IGSF9: variants seen among roughly 807,000 people sequenced by gnomAD.
IGSF9 encodes immunoglobulin superfamily member 9, also known as protein turtle homolog A.
A neutral mutation model predicts 121.7 loss-of-function variants in IGSF9; 87 were observed. That is an observed-to-expected ratio of 0.71 (90% CI 0.60 to 0.85). The LOEUF is 0.85. IGSF9 is among the 40% of genes least tolerant of loss of function. The probability of loss-of-function intolerance (pLI) is 0.00; values close to 1 mark genes in which losing one functional copy is unlikely to be tolerated. For missense variants in IGSF9, 1,462 were observed against 1,565.3 expected, an observed-to-expected ratio of 0.93 and a Z score of 1.11; for synonymous variants, 640 against 648.4, an observed-to-expected ratio of 0.99 and a Z score of 0.20.
At position 159,943,572 on chromosome 1, in the gene IGSF9, G is replaced by T; in HGVS notation, c.-118C>A. 4 of 945,270 alleles carry T rather than the reference G, an allele frequency of 4.2e-6. No individual in the cohort carries two copies. Among genetic ancestry groups the T allele is most frequent in the Non-Finnish European group, 6.0e-6 (4 of 669,308 alleles). 58.6% of individuals were successfully genotyped at this position (945,270 alleles called of 1,614,324 possible). On this transcript the variant is annotated 5_prime_UTR_variant, in exon 2 of 21. The change creates a new upstream start codon in the 5' untranslated region. Transcript: ENST00000368094. ...GTTTCAGCTCTCACTCTTCTGTACAGTGAGGGCTTGGCTCATGTAACACCC... is the reference window on the plus strand; with the variant it reads ...GTTTCAGCTCTCACTCTTCTGTACATTGAGGGCTTGGCTCATGTAACACCC...
Position 159,929,590 on chromosome 1 carries a change from G to A in IGSF9, c.2326+48C>T, listed in dbSNP as rs755143309. 4 of 1,561,500 alleles carry A rather than the reference G, an allele frequency of 2.6e-6. No homozygotes were observed. The African/African-American group carries it at 5.4e-5, about 21-fold the overall frequency. On this transcript the variant is annotated intron_variant, in intron 17 of 20. Coordinates refer to ENST00000368094, the MANE Select transcript of IGSF9 (RefSeq NM_001135050.2). ...CCCCCAGGTAGGAGGGGCTTAAGGAGGCTAGGCCCAAGTGCGCAGTAGCAG... is the reference window on the plus strand; with the variant it reads ...CCCCCAGGTAGGAGGGGCTTAAGGAAGCTAGGCCCAAGTGCGCAGTAGCAG...
Position 159,934,688 on chromosome 1 carries a change from G to T in IGSF9, c.808C>A (p.His270Asn). The change falls in exon 7 of 21, where the codon CAC becomes AAC. Residue 270 changes from histidine to asparagine, a missense_variant. By Grantham distance (68) the His-to-Asn change is moderately conservative (BLOSUM62 1). Around this residue, in one of 3 missense-constraint regions of IGSF9, gnomAD observed 558 missense variants for 599.4 expected, o/e 0.93. Transcript: ENST00000368094. ...SWFQDNINVFHISRLQPRVRI... is the reference protein window; with the variant it reads ...SWFQDNINVFNISRLQPRVRI... ...TAATGAGGGTGACCCCACCTAATGT[G>T]GAAGACATTGATGTTGTCCTGGAAC... 6.2e-7 allele frequency: 1 copy of T among 1,614,240 alleles called. No homozygotes were observed. The highest frequency in any genetic ancestry group is 8.5e-7 in the Non-Finnish European group (1 of 1,180,038).
At chr1:159,945,202 C>T (rs1359671735) in intron 1 of IGSF9, among the ~76,000 whole-genome samples, 3 of 151,864 alleles carry the variant, frequency 2.0e-5, no homozygotes. Context: ...CCCCACCCCC[C>T]AGCCACTTCT....
chr1:159,934,155 G>A (rs1259802513), intron 9 of IGSF9, 35 bp downstream of exon 9: 8 of 1,590,200 alleles, frequency 5.0e-6, no homozygotes, highest in Non-Finnish European at 4.3e-6. Flanking sequence ...ATAACGCCAA[G>A]CTAAGACCCT....
rs1650977586 is a variant in IGSF9 at position 159,931,037 on chromosome 1, G to A, written c.1637+101C>T. The A allele has an allele frequency of 6.5e-7, 1 of 1,544,696 alleles. No individual in the cohort carries two copies. The highest frequency in any genetic ancestry group is 1.2e-5 in the South Asian group (1 of 84,266). ...GGAAGCAGAGCCAGGACTGGTGAGG[G>A]ATAGAGGGACAGAAGAAAGGGCAGA... On this transcript the variant is annotated intron_variant, in intron 13 of 20. Coordinates refer to ENST00000368094, the MANE Select transcript of IGSF9 (RefSeq NM_001135050.2). This position sits in a 1 kb window ranked among gnomAD's most constrained non-coding sequence, Gnocchi z 4.8.
At chr1:159,929,861 T>TG (rs1650919266) in intron 16 of IGSF9, 30 bp downstream of exon 16, 6 of 1,583,988 alleles carry the variant, frequency 3.8e-6, no homozygotes, top group Non-Finnish European at 5.1e-6. Flanking sequence ...GGAGCAGCCC[T>TG]GGGGCTCCTC....
At chr1:159,944,451 C>T (rs1377491374) in intron 1 of IGSF9, among the ~76,000 whole-genome samples, 1 of 152,142 alleles carries the variant, frequency 6.6e-6, no homozygotes, top group South Asian at 2.1e-4. Context: ...AGCAGCCCTC[C>T]CCCTGCCAGG....
At chr1:159,934,112 C>A in intron 9 of IGSF9, 78 bp downstream of exon 9, 2 of 1,495,998 alleles carry the variant, frequency 1.3e-6, no homozygotes, top group Non-Finnish European at 9.1e-7. Context: ...CTGAATTAAA[C>A]CGAGCTAACT....
In IGSF9 at chr1:159,931,528, C is replaced by A. The variant is rs1303302581; in HGVS notation, c.1438G>T (p.Ala480Ser). 5 of 1,614,030 alleles carry A rather than the reference C, an allele frequency of 3.1e-6. No individual in the cohort carries two copies. Among genetic ancestry groups the A allele is most frequent in the Non-Finnish European group, 3.4e-6 (4 of 1,180,006 alleles). Residue 480 changes from alanine to serine, a missense_variant, in exon 12 of 21, where the codon GCC becomes TCC. Physicochemically the swap from Ala to Ser is moderately conservative, Grantham distance 99 (BLOSUM62 1). Coordinates refer to ENST00000368094, the MANE Select transcript of IGSF9 (RefSeq NM_001135050.2). This position sits in a 1 kb window ranked among gnomAD's most constrained non-coding sequence, Gnocchi z 4.8. ...GCACTGCATTCCCAGTGCCCGTGGGCCTCCTTGGTCAATGGTCGCAGGATG... is the reference window on the plus strand; with the variant it reads ...GCACTGCATTCCCAGTGCCCGTGGGACTCCTTGGTCAATGGTCGCAGGATG... ...SLILRPLTKE[A>S]HGHWECSASN... is the part of the protein sequence containing the mutation.
At chr1:159,928,000 G>A in intron 19 of IGSF9, 113 bp from the exon 20 acceptor site, 4 of 1,494,948 alleles carry the variant, frequency 2.7e-6, no homozygotes, top group Non-Finnish European at 3.6e-6. Context: ...GGTTTCCCCT[G>A]AAAAATCCCT....
chr1:159,931,606 A>C lies in IGSF9; in HGVS notation c.1363-3T>G. On this transcript the variant is annotated splice_polypyrimidine_tract_variant and splice_region_variant and intron_variant, in intron 11 of 20. Coordinates refer to ENST00000368094, the MANE Select transcript of IGSF9 (RefSeq NM_001135050.2). This position sits in a 1 kb window ranked among gnomAD's most constrained non-coding sequence, Gnocchi z 4.8. The stretch of plus-strand genomic sequence containing the variant: ...TGGCCTTGCAGCCCCCGGCCCACCT[A>C]CAGAACCACTGGTGAGCCCTGAGGA... The C allele has an allele frequency of 6.2e-7, 1 of 1,613,484 alleles. No individual in the cohort carries two copies. The highest frequency in any genetic ancestry group is 8.5e-7 in the Non-Finnish European group (1 of 1,179,866).
At position 159,937,759 on chromosome 1, in the gene IGSF9, G is replaced by A. The variant is rs542851413; in HGVS notation, c.327C>T (p.Arg109=). The A allele has an allele frequency of 6.3e-5, 102 of 1,614,086 alleles. No homozygotes were observed. Among genetic ancestry groups the A allele is most frequent in the Non-Finnish European group, 7.2e-5 (85 of 1,179,968 alleles). ...GGATGTGCTGGTCCAGGAAGAACAC[G>A]CGGCACTCGTACCAGCCCTGGTCTT... ...RVEDQGWYEC[R]VFFLDQHIPE... Residue 109 remains arginine, a synonymous_variant, in exon 4 of 21, where the codon CGC becomes CGT. Coordinates refer to ENST00000368094, the MANE Select transcript of IGSF9 (RefSeq NM_001135050.2).
At position 159,934,342 on chromosome 1, in the gene IGSF9, AG is replaced by A; in HGVS notation, c.962-11del. The A allele has an allele frequency of 6.3e-7, 1 of 1,580,272 alleles. No homozygotes were observed. The highest frequency in any genetic ancestry group is 8.6e-7 in the Non-Finnish European group (1 of 1,161,376). On this transcript the variant is annotated splice_polypyrimidine_tract_variant and intron_variant, in intron 8 of 20. Coordinates refer to ENST00000368094, the MANE Select transcript of IGSF9 (RefSeq NM_001135050.2). ...GTCACCTGGGCTGGGTCTGGGGGAA[AG>A]TAGTGGCAAGTTGGGGGAGAGGGGC...
In IGSF9 at chr1:159,934,787, T is replaced by C; in HGVS notation, c.709A>G (p.Thr237Ala). 6.2e-7 allele frequency: 1 copy of C among 1,614,112 alleles called. No individual in the cohort carries two copies. The highest frequency in any genetic ancestry group is 2.2e-5 in the East Asian group (1 of 44,866). ...PVIVVPPKNS[T>A]VNASQDVSLA... ...GAAACATCCTGGGAGGCATTGACTG[T>C]GCTGTTCTTGGGGGGCACCACGATG... The change falls in exon 7 of 21, where the codon ACA becomes GCA. Residue 237 changes from threonine to alanine, a missense_variant. Coordinates refer to ENST00000368094, the MANE Select transcript of IGSF9 (RefSeq NM_001135050.2).
intron 6 of IGSF9, 57 bp from the exon 7 acceptor site, chr1:159,934,879 T>G (rs765776857): frequency 5.0e-6 from 8 of 1,601,582 alleles, no homozygotes; most frequent in Non-Finnish European, 6.8e-6. Context: ...CCCAGAACCC[T>G]GAGGTCACCT....
chr1:159,928,900 G>T lies in IGSF9; in HGVS notation c.2488C>A (p.His830Asn). The T allele has an allele frequency of 6.3e-7, 1 of 1,594,446 alleles. No homozygotes were observed. The highest frequency in any genetic ancestry group is 8.5e-7 in the Non-Finnish European group (1 of 1,171,224). ...CCCCGGCTAGATGGAGGATCCGGGT[G>T]GGGGCTGGGAGTTCCGGCAGGATCC... is the stretch of plus-strand genomic sequence containing the variant. The part of the protein sequence containing the change: ...WGDPAGTPSP[H>N]PDPPSSRGPL... The change falls in exon 19 of 21, where the codon CAC (histidine) becomes AAC (asparagine). Residue 830 changes from histidine to asparagine, a missense_variant. By Grantham distance (68) the His-to-Asn change is moderately conservative. Coordinates refer to ENST00000368094, the MANE Select transcript of IGSF9 (RefSeq NM_001135050.2).
At chr1:159,935,510 G>C (rs1405409624) in intron 6 of IGSF9, among the ~76,000 whole-genome samples, 1 of 152,164 alleles carries the variant, frequency 6.6e-6, no homozygotes, top group African/African-American at 2.4e-5. Context: ...CCTCCCAAGG[G>C]CCTGGCCGCG....
Position 159,936,456 on chromosome 1 carries a change from A to C in IGSF9, c.616T>G (p.Cys206Gly). 1 of 1,614,006 alleles carries C rather than the reference A, an allele frequency of 6.2e-7. No individual in the cohort carries two copies. The highest frequency in any genetic ancestry group is 8.5e-7 in the Non-Finnish European group (1 of 1,180,008). ...VERGSSGVYT[C>G]QASSTEGSAT... ...CTGCCCTCAGTGCTGGAGGCTTGGCAGGTGTAGACCCCAGAGCTGCCTCGC... is the reference window on the plus strand; with the variant it reads ...CTGCCCTCAGTGCTGGAGGCTTGGCCGGTGTAGACCCCAGAGCTGCCTCGC... Residue 206 changes from cysteine (C) to glycine (G), a missense_variant, in exon 6 of 21, where the codon TGC (cysteine) becomes GGC (glycine). Physicochemically the swap from Cys to Gly is radical, Grantham distance 159. Transcript: ENST00000368094.
intron 1 of IGSF9, among the ~76,000 whole-genome samples, chr1:159,945,326 C>A (rs1651545809): frequency 6.6e-6 from 1 of 151,848 alleles, no homozygotes; most frequent in African/African-American, 2.4e-5. Flanking sequence ...TTCTCTGGTC[C>A]CCTGGAACTC....
Sources: allele counts gnomAD v4.1 joint callset (sites outside exome capture counted in the v4.1 genomes callset), GRCh38; gene constraint gnomAD v4.1.1; regional missense constraint gnomAD v4.1.1; non-coding constraint Gnocchi (gnomAD v3.1); transcripts MANE v1.5; gene names NCBI Gene and HGNC (gene_info 2026-07-23, HGNC 2026-07-21).